The following BOLL variants were observed in gnomAD, a reference collection of about 807,000 sequenced individuals.
The protein encoded by BOLL is boule RNA binding protein.
In BOLL, 23 loss-of-function variants were observed where a neutral mutation model predicts 44.4. The observed-to-expected ratio is 0.52, with a 90% CI of 0.37 to 0.73. BOLL has a LOEUF of 0.73. Among genes scored for constraint, BOLL ranks in the 30% least tolerant of loss-of-function variants. The probability of loss-of-function intolerance (pLI) is 0.00; values close to 1 mark genes in which losing one functional copy is unlikely to be tolerated. For missense variants in BOLL, 287 were observed against 338.3 expected, an observed-to-expected ratio of 0.85 and a Z score of 1.19; for synonymous variants, 97 against 110.8, an observed-to-expected ratio of 0.88 and a Z score of 0.78.
Position 197,728,113 on chromosome 2 carries a change from A to T in BOLL, c.*442T>A, listed in dbSNP as rs900120595. On this transcript the variant is annotated 3_prime_UTR_variant, in exon 11 of 11. Transcript: ENST00000392296. Reference sequence around the variant, plus strand: ...AGTATACTGTTGTAAAATATATGAAAGTATTAAAAGTATTATAATTAAAAA... The same window carrying T: ...AGTATACTGTTGTAAAATATATGAATGTATTAAAAGTATTATAATTAAAAA... The T allele has an allele frequency of 1.6e-5, 3 of 185,862 alleles. No individual in the cohort carries two copies. The South Asian group carries it at 5.5e-4, about 34-fold the overall frequency. 11.5% of individuals were successfully genotyped at this position (185,862 alleles called of 1,614,324 possible). A position where few individuals can be genotyped will look rare whatever the true frequency, so the allele number is the denominator to read the frequency against.
intron 9 of BOLL, among the ~76,000 whole-genome samples, chr2:197,743,660 C>T (rs1687862461): frequency 6.6e-6 from 1 of 151,954 alleles, no homozygotes; most frequent in Non-Finnish European, 1.5e-5. Flanking sequence ...ATGTGAGCTA[C>T]ATATGTTATT....
At chr2:197,761,339 C>A (rs909146856) in intron 7 of BOLL, among the ~76,000 whole-genome samples, 3 of 152,092 alleles carry the variant, frequency 2.0e-5, no homozygotes, top group Admixed American at 6.6e-5. Flanking sequence ...TTTATCACCA[C>A]TAGATTGGCC....
Position 197,745,751 on chromosome 2 carries a change from G to C in BOLL, c.730-2592C>G, listed in dbSNP as rs77938348. Among the ~76,000 whole-genome samples the C allele has an allele frequency of 7.1e-3, 1,083 of 152,272 alleles. 22 individuals are homozygous for C. The highest frequency in any genetic ancestry group is 0.024 in the African/African-American group (1,015 of 41,540). ...CTGCCAAGTGCTGTGCAAGTTGGAC[G>C]AACATAAGGGAGGATTCTGAAGCCT... On this transcript the variant is annotated intron_variant, in intron 9 of 10. Coordinates refer to ENST00000392296, the MANE Select transcript of BOLL (RefSeq NM_033030.6).
intron 9 of BOLL, among the ~76,000 whole-genome samples, chr2:197,747,058 T>C (rs969906448): frequency 1.3e-5 from 2 of 152,080 alleles, no homozygotes. Context: ...TAGTTAATAA[T>C]AACATATTAT....
At chr2:197,743,319 T>C (rs915094318) in intron 9 of BOLL, among the ~76,000 whole-genome samples, 160 bp from the exon 10 acceptor site, 3 of 152,224 alleles carry the variant, frequency 2.0e-5, no homozygotes, top group African/African-American at 7.2e-5. Flanking sequence ...TGAGTTAATA[T>C]AATGAATTAA....
chr2:197,745,745 T>C (rs1221557056), intron 9 of BOLL, among the ~76,000 whole-genome samples: 1 of 152,194 alleles, frequency 6.6e-6, no homozygotes, highest in Non-Finnish European at 1.5e-5. Context: ...GCTGTGCAAG[T>C]TGGACGAACA....
At chr2:197,773,268 T>C (rs1689346645) in intron 5 of BOLL, among the ~76,000 whole-genome samples, 3 of 151,872 alleles carry the variant, frequency 2.0e-5, no homozygotes, top group Admixed American at 2.0e-4. Flanking sequence ...TATTCAATAA[T>C]GGTTCATTAT....
intron 4 of BOLL, 38 bp downstream of exon 4, chr2:197,777,021 T>G: frequency 6.8e-7 from 1 of 1,466,794 alleles, no homozygotes; most frequent in South Asian, 1.3e-5. Context: ...AAATACAAAA[T>G]TTCCAGAAAT....
chr2:197,751,071 C>T (rs554934691), intron 9 of BOLL, among the ~76,000 whole-genome samples: 9 of 152,178 alleles, frequency 5.9e-5, no homozygotes, highest in Non-Finnish European at 7.4e-5. Context: ...GAAATTAAGG[C>T]GGAAATAAAT....
intron 3 of BOLL, 75 bp from the exon 4 acceptor site, chr2:197,777,188 A>C: frequency 1.8e-6 from 2 of 1,091,332 alleles, no homozygotes; most frequent in South Asian, 4.2e-5. Flanking sequence ...AAATGTTTAA[A>C]AATTTTGTTT....
intron 10 of BOLL, among the ~76,000 whole-genome samples, chr2:197,737,219 T>A (rs1173743900): frequency 1.3e-5 from 2 of 152,148 alleles, no homozygotes; most frequent in African/African-American, 2.4e-5. Flanking sequence ...ATACTATTCA[T>A]CCTTGCCTTC....
chr2:197,781,583 G>C (rs1438609804), intron 2 of BOLL, 139 bp downstream of exon 2: 2 of 900,542 alleles, frequency 2.2e-6, no homozygotes, highest in Non-Finnish European at 3.1e-6. Context: ...TGGTTGAAAA[G>C]ATTCTTTATA....
chr2:197,764,353 C>T lies in BOLL; in HGVS notation c.552+2179G>A, dbSNP rs182844292. ...ATATACACAATGGAATACTATTTGGCTATAAAAAAGAATAAAATCCTATCA... is the reference window on the plus strand; with the variant it reads ...ATATACACAATGGAATACTATTTGGTTATAAAAAAGAATAAAATCCTATCA... On this transcript the variant is annotated intron_variant, in intron 7 of 10. Transcript: ENST00000392296. Among the ~76,000 whole-genome samples, 421 of 152,146 alleles carry T rather than the reference C, an allele frequency of 2.8e-3. 5 individuals carry two copies. Among genetic ancestry groups the T allele is most frequent in the African/African-American group, 9.7e-3 (404 of 41,512 alleles).
chr2:197,782,884 C>T (rs1439154009), intron 1 of BOLL, among the ~76,000 whole-genome samples: 2 of 152,056 alleles, frequency 1.3e-5, no homozygotes, highest in East Asian at 1.9e-4. Context: ...AAAGAATTAG[C>T]TCAGTACATA....
At chr2:197,729,127 G>A (rs1222135008) in intron 10 of BOLL, among the ~76,000 whole-genome samples, 3 of 152,240 alleles carry the variant, frequency 2.0e-5, no homozygotes, top group African/African-American at 7.2e-5. Flanking sequence ...TGCACCGTGC[G>A]CAAGCTGAAG....
At chr2:197,743,266 G>C in intron 9 of BOLL, 107 bp from the exon 10 acceptor site, 1 of 683,924 alleles carries the variant, frequency 1.5e-6, no homozygotes, top group South Asian at 3.5e-5. Context: ...TGTAGAAACA[G>C]TTAAAAACAC....
chr2:197,729,589 G>C (rs1687046257), intron 10 of BOLL, among the ~76,000 whole-genome samples: 1 of 152,178 alleles, frequency 6.6e-6, no homozygotes, highest in South Asian at 2.1e-4. Context: ...GAGAGCAGTG[G>C]TTTTCCCAGC....
intron 9 of BOLL, among the ~76,000 whole-genome samples, chr2:197,754,476 G>T (rs1485422660): frequency 6.6e-6 from 1 of 152,066 alleles, no homozygotes; most frequent in African/African-American, 2.4e-5. Flanking sequence ...TTGGGAGGCC[G>T]AGGCAGGTGG....
chr2:197,782,909 A>G (rs147096667), intron 1 of BOLL, among the ~76,000 whole-genome samples: 1 of 152,338 alleles, frequency 6.6e-6, no homozygotes, highest in Non-Finnish European at 1.5e-5. Flanking sequence ...CATGTTCACA[A>G]TTCTAAGTTA....
Sources: gnomAD v4.1 joint callset for allele counts (sites outside exome capture counted in the v4.1 genomes callset) on GRCh38, gnomAD v4.1.1 for gene constraint, MANE v1.5 for transcripts, NCBI Gene and HGNC (gene_info 2026-07-23, HGNC 2026-07-21) for gene names.